The following AHCTF1 variants were observed in gnomAD, a reference collection of about 807,000 sequenced individuals.
AHCTF1 encodes the protein AT-hook containing transcription factor 1, also known as protein ELYS.
AHCTF1 carries 24 observed loss-of-function variants against 248.4 expected under a neutral mutation model. The observed-to-expected ratio is 0.10, with a 90% CI of 0.07 to 0.14. The LOEUF is 0.14. Among genes scored for constraint, AHCTF1 ranks in the 10% least tolerant of loss-of-function variants. AHCTF1 has a pLI of 1.00. For synonymous variants in AHCTF1, 786 were observed against 929.8 expected (o/e 0.85, Z 2.81); for missense variants, 2,206 against 2,636.2 (o/e 0.84, Z 3.57).
intron 4 of AHCTF1, among the ~76,000 whole-genome samples, chr1:246,909,862 T>C (rs1275513873): frequency 6.6e-6 from 1 of 152,186 alleles, no homozygotes; most frequent in Non-Finnish European, 1.5e-5. Context: ...CTCTAACTAC[T>C]AGTAGCAAGT....
At position 246,893,905 on chromosome 1, in the gene AHCTF1, G is replaced by C. The variant is rs558628182; in HGVS notation, c.1804+754C>G. Reference sequence around the variant, plus strand: ...TTTAATGACCTGCTGCAAAATCTTGGTCAAAAATTACTTTTGGCTGGATGT... The same window carrying C: ...TTTAATGACCTGCTGCAAAATCTTGCTCAAAAATTACTTTTGGCTGGATGT... On this transcript the variant is annotated intron_variant, in intron 14 of 35. Coordinates refer to ENST00000648844, the MANE Select transcript of AHCTF1 (RefSeq NM_001323342.2). 1.1e-4 allele frequency among the ~76,000 whole-genome samples: 16 copies of C among 152,240 alleles called. No homozygotes were observed. The South Asian group carries it at 3.3e-3, about 32-fold the overall frequency.
At chr1:246,901,350 A>C (rs1392681494) in intron 8 of AHCTF1, among the ~76,000 whole-genome samples, 1 of 152,046 alleles carries the variant, frequency 6.6e-6, no homozygotes, top group African/African-American at 2.4e-5. Flanking sequence ...AAAAAAACAA[A>C]AACAGGCCAG....
chr1:246,915,492 G>A (rs7543698), intron 3 of AHCTF1, among the ~76,000 whole-genome samples: 2,575 of 152,082 alleles, frequency 0.017, 78 homozygotes, highest in African/African-American at 0.059. Flanking sequence ...AATGCTCCCT[G>A]TACTACTATT....
chr1:246,888,550 T>G (rs866866882), intron 17 of AHCTF1, 33 bp from the exon 18 acceptor site: 2 of 1,608,598 alleles, frequency 1.2e-6, no homozygotes, highest in African/African-American at 2.7e-5. Context: ...ACTTATTTAA[T>G]ATCACTGTTA....
chr1:246,913,077 T>C (rs1665918145), intron 4 of AHCTF1, among the ~76,000 whole-genome samples, 155 bp downstream of exon 4: 1 of 151,474 alleles, frequency 6.6e-6, no homozygotes, highest in Admixed American at 6.6e-5. Context: ...GTCCAGACAA[T>C]AAAAAAGATT....
At chr1:246,867,457 C>T (rs1662066264) in intron 25 of AHCTF1, 106 bp from the exon 26 acceptor site, 1 of 994,578 alleles carries the variant, frequency 1.0e-6, no homozygotes, top group South Asian at 1.7e-5. Context: ...TTGTACAGTT[C>T]TGCATTGCTT....
chr1:246,845,092 G>T (rs550543839), intron 33 of AHCTF1, among the ~76,000 whole-genome samples: 1 of 152,296 alleles, frequency 6.6e-6, no homozygotes, highest in African/African-American at 2.4e-5. Flanking sequence ...GTTATTTCAA[G>T]AATATCATTT....
At chr1:246,846,700 A>G (rs1382642021) in intron 33 of AHCTF1, among the ~76,000 whole-genome samples, 1 of 151,874 alleles carries the variant, frequency 6.6e-6, no homozygotes, top group Non-Finnish European at 1.5e-5. Context: ...AAAAAAAGAA[A>G]TATTACGTTT....
At chr1:246,884,743 T>C (rs1257390073) in intron 21 of AHCTF1, among the ~76,000 whole-genome samples, 2 of 152,194 alleles carry the variant, frequency 1.3e-5, no homozygotes, top group Admixed American at 6.5e-5. Flanking sequence ...GAAACAAAGG[T>C]ATCACTTGCT....
chr1:246,875,389 G>C (rs1662865046), intron 24 of AHCTF1, among the ~76,000 whole-genome samples: 1 of 152,160 alleles, frequency 6.6e-6, no homozygotes, highest in African/African-American at 2.4e-5. Context: ...AAGTCCGATT[G>C]ACCAAAACCT....
intron 1 of AHCTF1, among the ~76,000 whole-genome samples, chr1:246,921,582 T>C (rs960436526): frequency 6.6e-6 from 1 of 152,024 alleles, no homozygotes; most frequent in Non-Finnish European, 1.5e-5. Flanking sequence ...AAAAATATAG[T>C]ACTAATAGGA....
rs1470075357 is a variant in AHCTF1, at chr1:246,849,690, A to C, written c.6316T>G (p.Leu2106Val). 1 of 1,614,012 alleles carries C rather than the reference A, an allele frequency of 6.2e-7. No individual in the cohort carries two copies. The highest frequency in any genetic ancestry group is 1.7e-5 in the Admixed American group (1 of 60,020). Residue 2106 changes from leucine (L) to valine (V), a missense_variant, in exon 33 of 36, where the codon TTG becomes GTG. By Grantham distance (32) the Leu-to-Val change is conservative. This residue lies in a region of AHCTF1 where 469 missense variants were observed against 470.0 expected (regional missense o/e 1.00). Coordinates refer to ENST00000648844, the MANE Select transcript of AHCTF1 (RefSeq NM_001323342.2). ...TTTGGTTCAGAAAGGTCCGGCAACA[A>C]GATGGCCTTGCTAGACCGAGTCCTG... The part of the protein sequence containing the change: ...SSRTRSSKAI[L>V]LPDLSEPNNE...
At chr1:246,847,163 C>T (rs2103035021) in intron 33 of AHCTF1, among the ~76,000 whole-genome samples, 1 of 152,024 alleles carries the variant, frequency 6.6e-6, no homozygotes, top group South Asian at 2.1e-4. Flanking sequence ...GTGGCAAGCA[C>T]CTGTAATCCC....
At chr1:246,880,481 T>C (rs943635273) in intron 21 of AHCTF1, among the ~76,000 whole-genome samples, 4 of 151,230 alleles carry the variant, frequency 2.6e-5, no homozygotes, top group African/African-American at 9.7e-5. Context: ...GGAGAATCAC[T>C]TGAACCCGGG....
intron 18 of AHCTF1, 56 bp from the exon 19 acceptor site, chr1:246,888,289 C>G: frequency 6.2e-7 from 1 of 1,612,228 alleles, no homozygotes; most frequent in South Asian, 1.1e-5. Context: ...TTCATTCATT[C>G]ATGCTTCTTG....
At chr1:246,920,729 C>T (rs1447280576) in intron 1 of AHCTF1, among the ~76,000 whole-genome samples, 3 of 150,234 alleles carry the variant, frequency 2.0e-5, no homozygotes, top group Non-Finnish European at 4.4e-5. Context: ...GAGATCGCAC[C>T]ACTGCACTCC....
intron 29 of AHCTF1, among the ~76,000 whole-genome samples, chr1:246,858,848 T>C (rs1035973669): frequency 6.6e-6 from 1 of 151,934 alleles, no homozygotes; most frequent in South Asian, 2.1e-4. Context: ...CTGCCTAATA[T>C]TGTAAGAATA....
At chr1:246,924,459 A>C (rs1195141366) in intron 1 of AHCTF1, among the ~76,000 whole-genome samples, 1 of 151,980 alleles carries the variant, frequency 6.6e-6, no homozygotes, top group Non-Finnish European at 1.5e-5. Context: ...AAAATCAATA[A>C]TTAAAGAATT....
chr1:246,928,535 A>T (rs980502294), intron 1 of AHCTF1, among the ~76,000 whole-genome samples: 4 of 152,150 alleles, frequency 2.6e-5, no homozygotes, highest in African/African-American at 9.7e-5. Flanking sequence ...AATAAAATCA[A>T]TTTTTTAAAA....
Sources: gnomAD v4.1 joint callset for allele counts (sites outside exome capture counted in the v4.1 genomes callset) on GRCh38, gnomAD v4.1.1 for gene constraint, gnomAD v4.1.1 regional missense constraint, MANE v1.5 for transcripts, NCBI Gene and HGNC (gene_info 2026-07-23, HGNC 2026-07-21) for gene names.